Variants in WDR59 observed in about 807,000 individuals in gnomAD.
The protein encoded by WDR59 is GATOR2 complex protein WDR59.
In WDR59, 100 loss-of-function variants were observed where a neutral mutation model predicts 131.2. The ratio of observed to expected loss-of-function variants is 0.76; its 90% CI spans 0.65 to 0.90. WDR59 has a LOEUF of 0.90. WDR59 is among the 40% of genes least tolerant of loss of function. The pLI is 0.00. For synonymous variants in WDR59, 601 were observed against 466.2 expected, an observed-to-expected ratio of 1.29 and a Z score of -3.72; for missense variants, 1,203 against 1,262.2, an observed-to-expected ratio of 0.95 and a Z score of 0.71.
rs115933894 is a variant in WDR59, at chr16:74,924,910, C to T, written c.652-907G>A. Among the ~76,000 whole-genome samples the T allele has an allele frequency of 7.1e-3, 1,087 of 152,198 alleles. 19 individuals carry two copies. The highest frequency in any genetic ancestry group is 0.025 in the African/African-American group (1,042 of 41,504). ...TGCTGGGATTACAGGTATGAACTAC[C>T]ACTCCCGGCCACTTTGGCAATTTCC... On this transcript the variant is annotated intron_variant, in intron 8 of 25. Coordinates refer to ENST00000262144, the MANE Select transcript of WDR59 (RefSeq NM_030581.4).
At chr16:74,899,037 G>C (rs1260024525) in intron 18 of WDR59, among the ~76,000 whole-genome samples, 1 of 152,178 alleles carries the variant, frequency 6.6e-6, no homozygotes, top group Non-Finnish European at 1.5e-5. Context: ...TGCACAGCGT[G>C]AGGTCACCTT....
At chr16:74,890,125 T>C (rs532228140) in intron 20 of WDR59, among the ~76,000 whole-genome samples, 1 of 152,334 alleles carries the variant, frequency 6.6e-6, no homozygotes, top group East Asian at 1.9e-4. Flanking sequence ...GGTCATCTAC[T>C]TAACCACTAA....
intron 25 of WDR59, among the ~76,000 whole-genome samples, chr16:74,883,573 T>G (rs1395482633): frequency 6.6e-6 from 1 of 152,180 alleles, no homozygotes; most frequent in Non-Finnish European, 1.5e-5. Context: ...GAAGAGGAGA[T>G]CAGTGTATGT....
chr16:74,957,645 G>A (rs915173036), intron 2 of WDR59, among the ~76,000 whole-genome samples: 2 of 152,140 alleles, frequency 1.3e-5, no homozygotes, highest in Non-Finnish European at 2.9e-5. Flanking sequence ...TGAAGGATCT[G>A]AAAACAGGGA....
intron 1 of WDR59, among the ~76,000 whole-genome samples, chr16:74,983,614 G>GGGTA (rs2145276760): frequency 6.6e-6 from 1 of 152,224 alleles, no homozygotes; most frequent in Admixed American, 6.5e-5. Context: ...AAGGGCTCTG[G>GGGTA]GGTAGGATCC....
intron 9 of WDR59, among the ~76,000 whole-genome samples, chr16:74,922,344 T>C (rs1428382291): frequency 2.6e-5 from 4 of 152,162 alleles, no homozygotes; most frequent in African/African-American, 9.7e-5. Context: ...TTGAAGAACT[T>C]TGAAAATTCT....
intron 6 of WDR59, among the ~76,000 whole-genome samples, chr16:74,946,300 G>A (rs567620886): frequency 6.6e-6 from 1 of 152,148 alleles, no homozygotes; most frequent in African/African-American, 2.4e-5. Flanking sequence ...TCCAATGGGG[G>A]TCTTGGACTG....
chr16:74,952,311 G>A (rs1359784802), intron 3 of WDR59, among the ~76,000 whole-genome samples: 1 of 151,826 alleles, frequency 6.6e-6, no homozygotes, highest in Non-Finnish European at 1.5e-5. Context: ...TCATGGTGGT[G>A]CATGCCTGTG....
intron 1 of WDR59, among the ~76,000 whole-genome samples, chr16:74,977,417 G>A (rs1307892365): frequency 3.9e-5 from 6 of 152,248 alleles, no homozygotes; most frequent in Middle Eastern, 3.4e-3. Context: ...AGCCGGGCGC[G>A]GTGGCTCGCG....
At chr16:74,942,633 A>G in intron 7 of WDR59, 105 bp downstream of exon 7, 2 of 1,052,058 alleles carry the variant, frequency 1.9e-6, no homozygotes, top group Non-Finnish European at 2.9e-6. Context: ...CATGCTGCAC[A>G]GGGTTCCCCA....
intron 23 of WDR59, among the ~76,000 whole-genome samples, chr16:74,887,093 T>G (rs1329895071): frequency 6.6e-6 from 1 of 152,150 alleles, no homozygotes; most frequent in East Asian, 1.9e-4. Context: ...ACACAAAGAA[T>G]GGATGCAAAT....
intron 25 of WDR59, among the ~76,000 whole-genome samples, chr16:74,875,655 T>G (rs1272616283): frequency 6.6e-6 from 1 of 152,194 alleles, no homozygotes; most frequent in Non-Finnish European, 1.5e-5. Flanking sequence ...CCTGCCCCTT[T>G]CTAGCTGCAA....
intron 1 of WDR59, among the ~76,000 whole-genome samples, chr16:74,972,958 C>A (rs1409941044): frequency 1.3e-5 from 2 of 151,722 alleles, no homozygotes; most frequent in Non-Finnish European, 2.9e-5. Flanking sequence ...ATTGGCCAGG[C>A]ACGGTCGCTC....
At chr16:74,947,220 G>A (rs548341866) in intron 6 of WDR59, among the ~76,000 whole-genome samples, 178 of 152,156 alleles carry the variant, frequency 1.2e-3, no homozygotes, top group African/African-American at 3.8e-3. Flanking sequence ...AGGCCAAGTC[G>A]GGTGGATCAC....
At chr16:74,905,644 T>A (rs1212985355) in intron 17 of WDR59, among the ~76,000 whole-genome samples, 2 of 151,484 alleles carry the variant, frequency 1.3e-5, no homozygotes, top group African/African-American at 4.9e-5. Context: ...ATTGCACCAC[T>A]GCACTCCAGC....
At position 74,879,214 on chromosome 16, in the gene WDR59, C is replaced by T. The variant is rs143497206; in HGVS notation, c.2690-4770G>A. On this transcript the variant is annotated intron_variant, in intron 25 of 25. Coordinates refer to ENST00000262144, the MANE Select transcript of WDR59 (RefSeq NM_030581.4). ...CAAAAACATTTTTTTAAAAATTAGC[C>T]GGGCATGATGGTGTATGCCTGTGGT... 6.2e-3 allele frequency among the ~76,000 whole-genome samples: 947 copies of T among 152,140 alleles called. 7 individuals carry two copies. The highest frequency in any genetic ancestry group is 0.019 in the African/African-American group (772 of 41,482).
chr16:74,939,133 G>A (rs774167452), intron 7 of WDR59, among the ~76,000 whole-genome samples: 13 of 151,922 alleles, frequency 8.6e-5, no homozygotes, highest in Non-Finnish European at 1.9e-4. Context: ...TTTGTGACCA[G>A]TCTGGCCAAC....
At chr16:74,945,456 A>G (rs142022562) in intron 6 of WDR59, among the ~76,000 whole-genome samples, 2,134 of 151,904 alleles carry the variant, frequency 0.014, 56 homozygotes, top group African/African-American at 0.048. Context: ...CAGCCTGGGC[A>G]ACAGAGCGAG....
rs1232072035 is a variant in WDR59, at chr16:74,942,721, A to G, written c.534+17T>C. ...AGGGATCAAAGACCAATAAGGGCGA[A>G]AAAAGAGATTACTCACCCTCTTATC... On this transcript the variant is annotated intron_variant, in intron 7 of 25. Coordinates refer to ENST00000262144, the MANE Select transcript of WDR59 (RefSeq NM_030581.4). The G allele has an allele frequency of 6.2e-7, 1 of 1,612,560 alleles. No homozygotes were observed. The highest frequency in any genetic ancestry group is 1.7e-5 in the Admixed American group (1 of 59,970).
Sources: allele counts gnomAD v4.1 joint callset (sites outside exome capture counted in the v4.1 genomes callset), GRCh38; gene constraint gnomAD v4.1.1; transcripts MANE v1.5; gene names NCBI Gene and HGNC (gene_info 2026-07-23, HGNC 2026-07-21).